ROBO2: variants seen among roughly 807,000 people sequenced by gnomAD.
ROBO2 encodes the protein roundabout guidance receptor 2.
Under a neutral mutation model 160.8 loss-of-function variants are expected in ROBO2, and 53 were observed. The ratio of observed to expected loss-of-function variants is 0.33; its 90% CI spans 0.26 to 0.41. The LOEUF (loss-of-function observed/expected upper bound fraction) is 0.41. Ranked by LOEUF, ROBO2 falls within the 10% of genes least tolerant of loss-of-function variation. The pLI is 1.00. For synonymous variants in ROBO2, 664 were observed against 611.7 expected (o/e 1.09, Z -1.26); for missense variants, 1,577 against 1,722.4 (o/e 0.92, Z 1.49).
At chr3:77,448,851 A>T (rs1020606771) in intron 2 of ROBO2, among the ~76,000 whole-genome samples, 2 of 152,078 alleles carry the variant, frequency 1.3e-5, no homozygotes, top group African/African-American at 4.8e-5. Flanking sequence ...TATAAGAGCC[A>T]AGTTAAAAAC....
At chr3:77,505,768 A>G (rs993947733) in intron 5 of ROBO2, among the ~76,000 whole-genome samples, 1 of 152,194 alleles carries the variant, frequency 6.6e-6, no homozygotes, top group African/African-American at 2.4e-5. Flanking sequence ...AGGAACTCTT[A>G]TCATTGTTAT....
At chr3:76,509,912 G>C (rs1018350285) in intron 2 of ROBO2, among the ~76,000 whole-genome samples, 1 of 149,616 alleles carries the variant, frequency 6.7e-6, no homozygotes, top group Admixed American at 6.7e-5. Flanking sequence ...TCATGTGATG[G>C]GTCACAATCA....
intron 2 of ROBO2, among the ~76,000 whole-genome samples, chr3:76,798,333 A>C (rs901317064): frequency 2.6e-5 from 4 of 152,122 alleles, no homozygotes; most frequent in African/African-American, 7.2e-5. Context: ...GAATGAACTA[A>C]AGGCCAATAT....
intron 4 of ROBO2, among the ~76,000 whole-genome samples, chr3:77,488,549 G>A (rs2085665998): frequency 6.6e-6 from 1 of 152,182 alleles, no homozygotes; most frequent in Non-Finnish European, 1.5e-5. Flanking sequence ...TAATTGTACA[G>A]AGCTCTAATT....
chr3:77,392,888 CA>C (rs1441251154), intron 2 of ROBO2, among the ~76,000 whole-genome samples: 1 of 152,138 alleles, frequency 6.6e-6, no homozygotes, highest in Admixed American at 6.6e-5. Context: ...AAATCTTGAA[CA>C]AAACAAGTTT....
At chr3:76,354,589 G>A (rs1040956220) in intron 2 of ROBO2, among the ~76,000 whole-genome samples, 6 of 151,690 alleles carry the variant, frequency 4.0e-5, no homozygotes, top group Non-Finnish European at 8.8e-5. Context: ...TATAAAACCA[G>A]TAATATATTA....
intron 12 of ROBO2, among the ~76,000 whole-genome samples, chr3:77,566,514 G>A (rs77524956): frequency 0.022 from 3,409 of 152,092 alleles, 129 homozygotes; most frequent in African/African-American, 0.077. Context: ...TTGTAGTACC[G>A]TGATCATTTA....
intron 2 of ROBO2, among the ~76,000 whole-genome samples, chr3:76,105,804 G>A (rs1389970341): frequency 6.6e-6 from 1 of 151,886 alleles, no homozygotes; most frequent in Non-Finnish European, 1.5e-5. Context: ...GTCCAATAAG[G>A]AGAAGGAATA....
chr3:77,473,440 C>CTTTTTTTTT lies in ROBO2; in HGVS notation c.389-3945_389-3937dup, dbSNP rs71104688. Among the ~76,000 whole-genome samples the CTTTTTTTTT allele has an allele frequency of 3.8e-4, 30 of 77,932 alleles. 6 individuals are homozygous for CTTTTTTTTT. The highest frequency in any genetic ancestry group is 7.2e-4 in the East Asian group (2 of 2,764). 51.1% of individuals were successfully genotyped at this position (77,932 alleles called of 152,430 possible). A position where few individuals can be genotyped will look rare whatever the true frequency, so the allele number is the denominator to read the frequency against. On this transcript the variant is annotated intron_variant, in intron 2 of 25. Transcript: ENST00000461745. ...CTGCAGTTCGATTTTACAAACTGCT[C>CTTTTTTTTT]TTTTTTTTTTTTTTTTTTTTTTTTT...
chr3:76,998,028 A>G (rs1482233705), intron 2 of ROBO2, among the ~76,000 whole-genome samples: 1 of 152,176 alleles, frequency 6.6e-6, no homozygotes, highest in Non-Finnish European at 1.5e-5. Context: ...GAACAGTTCA[A>G]CATCACTTGC....
At chr3:76,692,702 T>G (rs796326510) in intron 2 of ROBO2, among the ~76,000 whole-genome samples, 16 of 152,150 alleles carry the variant, frequency 1.1e-4, no homozygotes, top group African/African-American at 3.9e-4. Flanking sequence ...AGGGGAAGCT[T>G]TAAAAATTTT....
intron 2 of ROBO2, among the ~76,000 whole-genome samples, chr3:76,436,991 C>T (rs977903542): frequency 6.6e-6 from 1 of 152,154 alleles, no homozygotes; most frequent in African/African-American, 2.4e-5. Context: ...AATGCTATCA[C>T]AGTAACATTT....
chr3:76,731,186 T>G (rs1372863249), intron 2 of ROBO2, among the ~76,000 whole-genome samples: 5 of 152,258 alleles, frequency 3.3e-5, no homozygotes, highest in Admixed American at 3.3e-4. Flanking sequence ...TATATGTATG[T>G]CTATTTTAAC....
chr3:76,291,614 G>C (rs184703882), intron 2 of ROBO2, among the ~76,000 whole-genome samples: 2 of 152,114 alleles, frequency 1.3e-5, no homozygotes, highest in East Asian at 3.9e-4. Context: ...GGCGATGTTA[G>C]GTTGGTTGTT....
chr3:76,606,396 A>G (rs2087659613), intron 2 of ROBO2, among the ~76,000 whole-genome samples: 1 of 152,200 alleles, frequency 6.6e-6, no homozygotes, highest in African/African-American at 2.4e-5. Flanking sequence ...TTTCTCTACG[A>G]TATTTGCTGT....
chr3:77,047,532 T>A lies in ROBO2; in HGVS notation c.61+6686T>A, dbSNP rs117779342. Reference sequence around the variant, plus strand: ...AAACCCCCTCTCTATTTAAAAAAAATACAAAAATTGGCTGAGCATGGTGGC... The same window carrying A: ...AAACCCCCTCTCTATTTAAAAAAAAAACAAAAATTGGCTGAGCATGGTGGC... On this transcript the variant is annotated intron_variant, in intron 1 of 25. Coordinates refer to ENST00000461745, the Ensembl canonical transcript of ROBO2. 3.0e-3 allele frequency among the ~76,000 whole-genome samples: 441 copies of A among 149,348 alleles called. 8 individuals are homozygous for A. In the East Asian group the frequency reaches 0.056, roughly 19 times the overall value.
intron 2 of ROBO2, among the ~76,000 whole-genome samples, chr3:76,222,393 T>C (rs1704023177): frequency 1.3e-5 from 2 of 152,168 alleles, no homozygotes; most frequent in South Asian, 4.1e-4. Flanking sequence ...AGTGGGTGAC[T>C]TGAAAGACAA....
intron 2 of ROBO2, among the ~76,000 whole-genome samples, chr3:76,120,375 T>A (rs1021307827): frequency 6.6e-6 from 1 of 152,058 alleles, no homozygotes; most frequent in Non-Finnish European, 1.5e-5. Flanking sequence ...AGGTTCAAAC[T>A]TATGTTTGCA....
At chr3:75,911,251 C>G (rs1208479412) in intron 1 of ROBO2, among the ~76,000 whole-genome samples, 1 of 152,074 alleles carries the variant, frequency 6.6e-6, no homozygotes, top group East Asian at 1.9e-4. Context: ...TAAGAAAAAT[C>G]TCAGTGAATG....
Sources: gnomAD v4.1 joint callset for allele counts (sites outside exome capture counted in the v4.1 genomes callset) on GRCh38, gnomAD v4.1.1 for gene constraint, MANE v1.5 for transcripts, NCBI Gene and HGNC (gene_info 2026-07-23, HGNC 2026-07-21) for gene names.